The following NALF1 variants were observed in gnomAD, a reference collection of about 807,000 sequenced individuals.
The protein encoded by NALF1 is family with sequence similarity 155 member A.
A neutral mutation model predicts 48.4 loss-of-function variants in NALF1; 3 were observed. The observed-to-expected ratio is 0.06, with a 90% CI of 0.03 to 0.16. The LOEUF (loss-of-function observed/expected upper bound fraction) is 0.16. Among genes scored for constraint, NALF1 ranks in the 10% least tolerant of loss-of-function variants. NALF1 has a pLI of 1.00. For missense variants in NALF1, 526 were observed against 571.5 expected (o/e 0.92, Z 0.81); for synonymous variants, 262 against 245.7 (o/e 1.07, Z -0.62).
At chr13:107,294,203 G>A (rs970643024) in intron 1 of NALF1, among the ~76,000 whole-genome samples, 1 of 152,182 alleles carries the variant, frequency 6.6e-6, no homozygotes, top group African/African-American at 2.4e-5. Context: ...GGAGAAGAAT[G>A]CTGCTTCAGA....
intron 1 of NALF1, among the ~76,000 whole-genome samples, chr13:107,778,892 C>T (rs1052703161): frequency 3.9e-5 from 6 of 152,178 alleles, no homozygotes; most frequent in Non-Finnish European, 7.3e-5. Context: ...ACCTCCAAAA[C>T]CTATATGTAT....
At chr13:107,605,979 G>T (rs1003830513) in intron 1 of NALF1, among the ~76,000 whole-genome samples, 17 of 152,090 alleles carry the variant, frequency 1.1e-4, no homozygotes, top group Non-Finnish European at 1.9e-4. Context: ...ACCTGGGAGT[G>T]TTTCAATTTT....
At chr13:107,446,990 T>C (rs1281097259) in intron 1 of NALF1, among the ~76,000 whole-genome samples, 1 of 152,202 alleles carries the variant, frequency 6.6e-6, no homozygotes, top group Non-Finnish European at 1.5e-5. Flanking sequence ...GCAGAGTACT[T>C]GATAAATTGG....
chr13:107,488,106 A>C (rs1885358246), intron 1 of NALF1, among the ~76,000 whole-genome samples: 1 of 151,140 alleles, frequency 6.6e-6, no homozygotes, highest in Non-Finnish European at 1.5e-5. Flanking sequence ...CTGTGGGGTC[A>C]GCTGTAATAT....
At chr13:107,191,359 T>C (rs1879276516) in intron 2 of NALF1, among the ~76,000 whole-genome samples, 1 of 152,184 alleles carries the variant, frequency 6.6e-6, no homozygotes, top group Non-Finnish European at 1.5e-5. Flanking sequence ...TTGCAACTCT[T>C]ACTTGAAAGA....
At chr13:107,458,276 G>A (rs1015706378) in intron 1 of NALF1, among the ~76,000 whole-genome samples, 2 of 152,144 alleles carry the variant, frequency 1.3e-5, no homozygotes, top group African/African-American at 2.4e-5. Flanking sequence ...GCTTTGACAG[G>A]AGACCTAAAG....
At chr13:107,381,951 GACC>G (rs1233590209) in intron 1 of NALF1, among the ~76,000 whole-genome samples, 1 of 152,090 alleles carries the variant, frequency 6.6e-6, no homozygotes, top group Non-Finnish European at 1.5e-5. Context: ...GAGAGAGTAT[GACC>G]ACTCACCCTA....
intron 1 of NALF1, among the ~76,000 whole-genome samples, chr13:107,772,224 T>A (rs555462023): frequency 6.6e-6 from 1 of 152,266 alleles, no homozygotes; most frequent in South Asian, 2.1e-4. Flanking sequence ...ACACTTTGGC[T>A]ACTTTACTTT....
intron 1 of NALF1, among the ~76,000 whole-genome samples, chr13:107,473,616 C>T (rs990796865): frequency 1.3e-5 from 2 of 152,118 alleles, no homozygotes; most frequent in African/African-American, 4.8e-5. Context: ...ATTGAAACAA[C>T]AATTTGCTTA....
intron 1 of NALF1, among the ~76,000 whole-genome samples, chr13:107,637,238 T>C (rs1321208568): frequency 7.2e-6 from 1 of 137,988 alleles, no homozygotes; most frequent in Non-Finnish European, 1.6e-5. Context: ...TATATTGTAT[T>C]TGTTGTGTGT....
intron 1 of NALF1, among the ~76,000 whole-genome samples, chr13:107,714,626 T>TAAAAAAAAAAAAAAA (rs10633995): frequency 7.9e-6 from 1 of 126,488 alleles, no homozygotes; most frequent in Admixed American, 8.5e-5. Flanking sequence ...GAGGCTTTAT[T>TAAAAAAAAAAAAAAA]AAAAAAAAAA....
chr13:107,537,992 G>C (rs1028705215), intron 1 of NALF1, among the ~76,000 whole-genome samples: 8 of 152,028 alleles, frequency 5.3e-5, no homozygotes, highest in Non-Finnish European at 1.2e-4. Context: ...ACTCCAGCCT[G>C]GGCAGTAAAG....
chr13:107,556,344 T>TAG (rs1452578065), intron 1 of NALF1, among the ~76,000 whole-genome samples: 1 of 147,412 alleles, frequency 6.8e-6, no homozygotes, highest in Non-Finnish European at 1.5e-5. Context: ...CACACATATA[T>TAG]ATATATAGAG....
chr13:107,298,369 A>AAAAAAAAAAAAAAAC (rs1881766850), intron 1 of NALF1, among the ~76,000 whole-genome samples: 1 of 149,238 alleles, frequency 6.7e-6, no homozygotes, highest in African/African-American at 2.5e-5. Flanking sequence ...AAAAAAAAAA[A>AAAAAAAAAAAAAAAC]AAAAAAAAAA....
chr13:107,632,220 T>C (rs961209682), intron 1 of NALF1, among the ~76,000 whole-genome samples: 1 of 152,134 alleles, frequency 6.6e-6, no homozygotes, highest in Admixed American at 6.6e-5. Context: ...TCTGTATCCA[T>C]CTCCATATCT....
chr13:107,835,693 A>T (rs1220989378), intron 1 of NALF1, among the ~76,000 whole-genome samples: 1 of 152,198 alleles, frequency 6.6e-6, no homozygotes, highest in Admixed American at 6.5e-5. Context: ...ATTAATAATA[A>T]TATTCAAGCA....
At chr13:107,609,585 T>C (rs935263373) in intron 1 of NALF1, among the ~76,000 whole-genome samples, 1 of 152,284 alleles carries the variant, frequency 6.6e-6, no homozygotes, top group Middle Eastern at 3.4e-3. Flanking sequence ...CCTCAGTCTA[T>C]GTGAGAGGAA....
chr13:107,398,705 T>C (rs1883754740), intron 1 of NALF1, among the ~76,000 whole-genome samples: 1 of 152,166 alleles, frequency 6.6e-6, no homozygotes, highest in Non-Finnish European at 1.5e-5. Context: ...GATGCGTCTC[T>C]CAACACACAG....
At chr13:107,563,128 T>C (rs890624444) in intron 1 of NALF1, among the ~76,000 whole-genome samples, 2 of 152,206 alleles carry the variant, frequency 1.3e-5, no homozygotes, top group Non-Finnish European at 2.9e-5. Context: ...TTTAAGCACA[T>C]TCCTTGCTAT....
Sources: allele counts gnomAD v4.1 joint callset (sites outside exome capture counted in the v4.1 genomes callset), GRCh38; gene constraint gnomAD v4.1.1; transcripts MANE v1.5; gene names NCBI Gene and HGNC (gene_info 2026-07-23, HGNC 2026-07-21).